Variants in PDLIM7 observed in about 807,000 individuals in gnomAD.
PDLIM7 encodes the protein PDZ and LIM domain 7, also known as PDZ and LIM domain protein 7.
Under a neutral mutation model 53.9 loss-of-function variants are expected in PDLIM7, and 37 were observed. That is an observed-to-expected ratio of 0.69 (90% CI 0.53 to 0.90). The LOEUF is 0.90. PDLIM7 is among the 40% of genes least tolerant of loss of function. The probability of loss-of-function intolerance (pLI) is 0.00; values close to 1 mark genes in which losing one functional copy is unlikely to be tolerated. For synonymous variants in PDLIM7, 300 were observed against 261.3 expected (o/e 1.15, Z -1.43); for missense variants, 617 against 638.5 (o/e 0.97, Z 0.36).
intron 8 of PDLIM7, 54 bp from the exon 9 acceptor site, chr5:177,489,681 T>A: frequency 1.3e-6 from 2 of 1,502,320 alleles, no homozygotes; most frequent in Non-Finnish European, 1.8e-6. Flanking sequence ...AGGACGGGGG[T>A]GGAGCCCCAG....
intron 4 of PDLIM7, 86 bp from the exon 5 acceptor site, chr5:177,492,011 G>A: frequency 1.6e-6 from 1 of 624,530 alleles, no homozygotes; most frequent in Non-Finnish European, 2.5e-6. Context: ...GCAGAGGACA[G>A]CGGCAGCTCC....
At chr5:177,492,822 G>A in intron 2 of PDLIM7, 145 bp from the exon 3 acceptor site, 1 of 824,680 alleles carries the variant, frequency 1.2e-6, no homozygotes, top group East Asian at 2.6e-5. Flanking sequence ...GGCAGCTGCT[G>A]GACACTAAAG....
At chr5:177,490,050 C>G in intron 7 of PDLIM7, 2 of 1,532,118 alleles carry the variant, frequency 1.3e-6, no homozygotes, top group Non-Finnish European at 1.7e-6. Context: ...CGAGGCAGGG[C>G]TCCCGCTTCT....
chr5:177,489,441 C>T lies in PDLIM7; in HGVS notation c.821G>A (p.Ser274Asn). The T allele has an allele frequency of 6.2e-7, 1 of 1,602,640 alleles. No homozygotes were observed. The highest frequency in any genetic ancestry group is 2.2e-5 in the East Asian group (1 of 44,530). ...ACACACGGGAGTCTTGCCGTTGTTG[C>T]TGCCCCCTCCTGGCACCCCTCCGGC... ...AAAGGVPGGG[S>N]NNGKTPVCHQ... Residue 274 changes from serine (S) to asparagine (N), a missense_variant, in exon 9 of 13, where the codon AGC becomes AAC. Transcript: ENST00000355841.
At position 177,490,151 on chromosome 5, in the gene PDLIM7, C is replaced by T. The variant is rs1407684413; in HGVS notation, c.573-319G>A. 34 of 1,475,360 alleles carry T rather than the reference C, an allele frequency of 2.3e-5. No individual in the cohort carries two copies. In the East Asian group the frequency reaches 2.5e-4, roughly 11 times the overall value. The allele number at this position is 1,475,360 out of a possible 1,614,324, so 91.4% of individuals were successfully genotyped here. A position where few individuals can be genotyped will look rare whatever the true frequency, so the allele number is the denominator to read the frequency against. ...GCCAGGTACCCCCTCCCACTGAAAA[C>T]GAGGACGGCAGGGCCCAAACAGTCC... On this transcript the variant is annotated intron_variant, in intron 7 of 12. Coordinates refer to ENST00000355841, the MANE Select transcript of PDLIM7 (RefSeq NM_005451.5).
chr5:177,494,977 G>A (rs1036800142), intron 2 of PDLIM7: 2 of 152,324 alleles, frequency 1.3e-5, no homozygotes, highest in African/African-American at 2.4e-5. Context: ...GCTGGGATCA[G>A]CTAGTGGCCC....
intron 4 of PDLIM7, chr5:177,492,200 G>GGACAGA: frequency 1.5e-6 from 1 of 660,500 alleles, no homozygotes; most frequent in Non-Finnish European, 2.5e-6. Flanking sequence ...ACAGACAGGC[G>GGACAGA]GACAGACAGG....
intron 1 of PDLIM7, 191 bp from the exon 2 acceptor site, chr5:177,496,714 A>G: frequency 2.4e-6 from 1 of 421,212 alleles, no homozygotes; most frequent in Non-Finnish European, 4.3e-6. Flanking sequence ...CTCACTTTGG[A>G]AAGACAGGAG....
Position 177,489,434 on chromosome 5 carries a change from G to T in PDLIM7, c.828C>A (p.Asn276Lys), listed in dbSNP as rs138101063. 1 of 1,601,704 alleles carries T rather than the reference G, an allele frequency of 6.2e-7. No homozygotes were observed. The highest frequency in any genetic ancestry group is 8.5e-7 in the Non-Finnish European group (1 of 1,174,670). ...ACTGGTGACACACGGGAGTCTTGCC[G>T]TTGTTGCTGCCCCCTCCTGGCACCC... is the stretch of plus-strand genomic sequence containing the variant. ...AGGVPGGGSN[N>K]GKTPVCHQCH... The change falls in exon 9 of 13, where the codon AAC (asparagine) becomes AAA (lysine). Residue 276 changes from asparagine (N) to lysine (K), a missense_variant. By Grantham distance (94) the Asn-to-Lys change is moderately conservative. Coordinates refer to ENST00000355841, the MANE Select transcript of PDLIM7 (RefSeq NM_005451.5).
chr5:177,494,521 G>C (rs1364518594), intron 2 of PDLIM7, among the ~76,000 whole-genome samples: 1 of 148,712 alleles, frequency 6.7e-6, no homozygotes, highest in Admixed American at 6.7e-5. Flanking sequence ...TGAGCCCGAG[G>C]TGGGGGTCTT....
At chr5:177,485,287 G>A (rs1758382444) in intron 10 of PDLIM7, among the ~76,000 whole-genome samples, 1 of 152,228 alleles carries the variant, frequency 6.6e-6, no homozygotes, top group African/African-American at 2.4e-5. Context: ...CAGGAGGTGG[G>A]AAGGGGCAGA....
intron 2 of PDLIM7, chr5:177,492,913 C>T (rs950552469): frequency 1.8e-6 from 1 of 547,894 alleles, no homozygotes. Context: ...CAGACCCTCT[C>T]CCTCAGGTGG....
chr5:177,491,571 A>C, intron 5 of PDLIM7: 3 of 729,306 alleles, frequency 4.1e-6, no homozygotes, highest in Non-Finnish European at 7.2e-6. Flanking sequence ...CCCAACCCCC[A>C]GCCGCCAGCA....
chr5:177,491,491 G>C, intron 5 of PDLIM7: 2 of 1,269,906 alleles, frequency 1.6e-6, no homozygotes, highest in South Asian at 2.5e-5. Flanking sequence ...AAGAAAGACG[G>C]GGAGGGGTCA....
rs951657528 is a variant in PDLIM7 at position 177,489,306 on chromosome 5, C to A, written c.869+87G>T. On this transcript the variant is annotated intron_variant, in intron 9 of 12. Transcript: ENST00000355841. ...GAACTGAATCCTTATTCCCCCCAGT[C>A]GCAGCTGAGGCAAGACAGGTGGGCA... The A allele has an allele frequency of 3.9e-6, 4 of 1,025,990 alleles. No homozygotes were observed. In the East Asian group the frequency reaches 7.9e-5, roughly 20 times the overall value. 63.6% of individuals were successfully genotyped at this position (1,025,990 alleles called of 1,614,324 possible).
rs1389839110 is a variant in PDLIM7, at chr5:177,496,478, G to A, written c.35C>T (p.Ala12Val). 2 of 1,603,988 alleles carry A rather than the reference G, an allele frequency of 1.2e-6. No individual in the cohort carries two copies. Among genetic ancestry groups the A allele is most frequent in the Non-Finnish European group, 8.5e-7 (1 of 1,175,016 alleles). The change falls in exon 2 of 13, where the codon GCA becomes GTA. Residue 12 changes from alanine (A) to valine (V), a missense_variant. Coordinates refer to ENST00000355841, the MANE Select transcript of PDLIM7 (RefSeq NM_005451.5). The part of the protein sequence containing the change: ...DSFKVVLEGP[A>V]PWGFRLQGGK... ...CCCTTGCAGCCGGAAGCCCCAAGGT[G>A]CTGGCCCCTCCAGCACTACTTTGAA...
chr5:177,496,737 C>A (rs1293528420), intron 1 of PDLIM7: 1 of 379,764 alleles, frequency 2.6e-6, no homozygotes, highest in Non-Finnish European at 4.8e-6. Context: ...GCCCCCCTCC[C>A]CTTGGGACTG....
At chr5:177,495,943 T>A (rs912515081) in intron 2 of PDLIM7, among the ~76,000 whole-genome samples, 1 of 151,974 alleles carries the variant, frequency 6.6e-6, no homozygotes, top group Admixed American at 6.6e-5. Flanking sequence ...TGCTTCACCA[T>A]GGACTCGATG....
At position 177,496,450 on chromosome 5, in the gene PDLIM7, GC is replaced by G; in HGVS notation, c.62del (p.Gly21AlafsTer31). On this transcript the variant is annotated frameshift_variant, in exon 2 of 13. Transcript: ENST00000355841. LOFTEE classifies it high-confidence loss of function. ...PAPWGFRLQG[G>X]KDFNVPLSIS... ...TGGAGAGGGGCACATTGAAGTCCTT[GC>G]CCCCTTGCAGCCGGAAGCCCCAAGG... 4.4e-6 allele frequency: 7 copies of G among 1,603,354 alleles called. No individual in the cohort carries two copies. The highest frequency in any genetic ancestry group is 6.0e-6 in the Non-Finnish European group (7 of 1,174,832).
Sources: allele counts gnomAD v4.1 joint callset (sites outside exome capture counted in the v4.1 genomes callset), GRCh38; gene constraint gnomAD v4.1.1; transcripts MANE v1.5; gene names NCBI Gene and HGNC (gene_info 2026-07-23, HGNC 2026-07-21).